KDM1B: variants seen among roughly 807,000 people sequenced by gnomAD.
The protein encoded by KDM1B is lysine demethylase 1B.
In KDM1B, 63 loss-of-function variants were observed where a neutral mutation model predicts 107.4. That is an observed-to-expected ratio of 0.59 (90% CI 0.48 to 0.72). The LOEUF is 0.72. KDM1B is among the 30% of genes least tolerant of loss of function. KDM1B has a pLI of 0.00. For missense variants in KDM1B, 749 were observed against 1,020.8 expected (o/e 0.73, Z 3.63); for synonymous variants, 363 against 363.9 (o/e 1.00, Z 0.03).
At chr6:18,210,463 T>C (rs1259019070) in intron 17 of KDM1B, among the ~76,000 whole-genome samples, 5 of 149,702 alleles carry the variant, frequency 3.3e-5, no homozygotes, top group East Asian at 4.0e-4. Context: ...GCTTGAGCAG[T>C]GCTCCCACCT....
chr6:18,205,640 C>A lies in KDM1B; in HGVS notation c.1635C>A (p.Tyr545Ter). 1 of 1,524,816 alleles carries A rather than the reference C, an allele frequency of 6.6e-7. No individual in the cohort carries two copies. The highest frequency in any genetic ancestry group is 8.8e-7 in the Non-Finnish European group (1 of 1,137,328). 94.5% of individuals were successfully genotyped at this position (1,524,816 alleles called of 1,614,324 possible). ...AGTTCCATCTCAGTAACCTGGAGTA[C>A]GCCTGTGGCAGCAACCTTCACCAGG... ...VLQFHLSNLE[Y>*]ACGSNLHQVS... The change falls in exon 15 of 22, where the codon TAC becomes TAA. Residue 545 changes from tyrosine to a stop codon, truncating the protein, a stop_gained. Coordinates refer to ENST00000650836, the MANE Select transcript of KDM1B (RefSeq NM_001364614.2). LOFTEE classifies it high-confidence loss of function. The surrounding 1 kb of genome is among the most constrained non-coding windows in gnomAD (Gnocchi z 5.7).
At chr6:18,192,777 A>ATT (rs555571613) in intron 10 of KDM1B, among the ~76,000 whole-genome samples, 6 of 145,126 alleles carry the variant, frequency 4.1e-5, no homozygotes, top group African/African-American at 1.5e-4. Context: ...CCTTGGATTC[A>ATT]TTTTTTTTTT....
chr6:18,162,916 C>G lies in KDM1B; in HGVS notation c.297C>G (p.Tyr99Ter). 6.3e-7 allele frequency: 1 copy of G among 1,598,502 alleles called. No homozygotes were observed. The highest frequency in any genetic ancestry group is 8.6e-7 in the Non-Finnish European group (1 of 1,165,822). Reference protein sequence around the residue: ...EHFCNECFDHYYRSHKDGYDK... With the variant: ...EHFCNECFDH Reference sequence around the variant, plus strand: ...TCTGTAATGAATGCTTTGACCATTACTACAGAAGGTATGTTCACTAATTGT... The same window carrying G: ...TCTGTAATGAATGCTTTGACCATTAGTACAGAAGGTATGTTCACTAATTGT... Residue 99 changes from tyrosine (Y) to a stop codon, truncating the protein, a stop_gained, in exon 5 of 22, where the codon TAC (tyrosine) becomes TAG (stop). Transcript: ENST00000650836. LOFTEE classifies it high-confidence loss of function. The surrounding 1 kb of genome is among the most constrained non-coding windows in gnomAD (Gnocchi z 4.1).
At chr6:18,182,727 T>C (rs1279260021) in intron 7 of KDM1B, among the ~76,000 whole-genome samples, 1 of 152,034 alleles carries the variant, frequency 6.6e-6, no homozygotes, top group Non-Finnish European at 1.5e-5. Flanking sequence ...GACAGGGTCT[T>C]GCTATGTTGC....
In KDM1B at chr6:18,172,731, A is replaced by G. The variant is rs930612910; in HGVS notation, c.534+1252A>G. Among the ~76,000 whole-genome samples the G allele has an allele frequency of 2.0e-5, 3 of 152,120 alleles. No individual in the cohort carries two copies. Among genetic ancestry groups the G allele is most frequent in the African/African-American group, 7.2e-5 (3 of 41,428 alleles). On this transcript the variant is annotated intron_variant, in intron 7 of 21. Coordinates refer to ENST00000650836, the MANE Select transcript of KDM1B (RefSeq NM_001364614.2). The surrounding 1 kb of genome is among the most constrained non-coding windows in gnomAD (Gnocchi z 5.2). ...TATAAACATAATATTCTATTTCATT[A>G]TATTTATAATAAACTATATAGTTTA...
At position 18,213,618 on chromosome 6, in the gene KDM1B, A is replaced by G. The variant is rs1789016805; in HGVS notation, c.1984-38A>G. On this transcript the variant is annotated intron_variant, in intron 18 of 21. Coordinates refer to ENST00000650836, the MANE Select transcript of KDM1B (RefSeq NM_001364614.2). This position sits in a 1 kb window ranked among gnomAD's most constrained non-coding sequence, Gnocchi z 5.9. ...AGATATTGCCTGTGGTTTTGTGACG[A>G]CAGACACCTAACCACCTTTCTTCTG... 1.9e-6 allele frequency: 3 copies of G among 1,611,828 alleles called. No homozygotes were observed. The highest frequency in any genetic ancestry group is 2.5e-6 in the Non-Finnish European group (3 of 1,178,150).
intron 8 of KDM1B, 100 bp downstream of exon 8, chr6:18,185,910 T>C: frequency 8.7e-7 from 1 of 1,155,266 alleles, no homozygotes; most frequent in South Asian, 1.3e-5. Context: ...TCTTTCTCTT[T>C]GGTTGCTGAT....
chr6:18,165,048 T>C (rs1785204615), intron 5 of KDM1B, among the ~76,000 whole-genome samples: 2 of 152,050 alleles, frequency 1.3e-5, no homozygotes, highest in South Asian at 4.1e-4. Context: ...TGATTGTTGA[T>C]ATAACTGGAT....
In KDM1B at chr6:18,200,408, A is replaced by G. The variant is rs1216383531; in HGVS notation, c.1222-31A>G. On this transcript the variant is annotated intron_variant, in intron 12 of 21. Transcript: ENST00000650836. The surrounding 1 kb of genome is among the most constrained non-coding windows in gnomAD (Gnocchi z 4.3). ...GTGTCTGATATAACTCTTGTGTCCT[A>G]TTTAGCTTCCCTGACTGTCTGTCTT... 3.7e-6 allele frequency: 6 copies of G among 1,609,324 alleles called. No homozygotes were observed. The highest frequency in any genetic ancestry group is 4.5e-5 in the East Asian group (2 of 44,786).
At chr6:18,179,642 T>C (rs1212263582) in intron 7 of KDM1B, among the ~76,000 whole-genome samples, 1 of 152,130 alleles carries the variant, frequency 6.6e-6, no homozygotes, top group Admixed American at 6.6e-5. Flanking sequence ...TCATCTATGT[T>C]GTCACATTTT....
In KDM1B at chr6:18,162,077, T is replaced by G. The variant is rs1785010011; in HGVS notation, c.215+623T>G. 6.6e-6 allele frequency among the ~76,000 whole-genome samples: 1 copy of G among 152,118 alleles called. No homozygotes were observed. Among genetic ancestry groups the G allele is most frequent in the African/African-American group, 2.4e-5 (1 of 41,426 alleles). On this transcript the variant is annotated intron_variant, in intron 4 of 21. Transcript: ENST00000650836. The surrounding 1 kb of genome is among the most constrained non-coding windows in gnomAD (Gnocchi z 4.1). ...GGCATGCGCCTGTAATCCCAGCACT[T>G]TGAGAGACCAAGATGGGCGGATCAG... is the stretch of plus-strand genomic sequence containing the variant.
chr6:18,184,919 A>G (rs1363163828), intron 7 of KDM1B, among the ~76,000 whole-genome samples: 3 of 151,454 alleles, frequency 2.0e-5, no homozygotes, highest in Non-Finnish European at 4.4e-5. Context: ...CAATTTTTGT[A>G]GAGATGGGGG....
chr6:18,189,815 A>C (rs549171064), intron 9 of KDM1B, among the ~76,000 whole-genome samples: 2 of 152,324 alleles, frequency 1.3e-5, no homozygotes, highest in African/African-American at 4.8e-5. Context: ...ATTTACTTCT[A>C]TGAACCTATT....
Position 18,197,052 on chromosome 6 carries a change from C to A in KDM1B, c.970-5C>A. On this transcript the variant is annotated splice_polypyrimidine_tract_variant and splice_region_variant and intron_variant, in intron 10 of 21. Transcript: ENST00000650836. The surrounding 1 kb of genome is among the most constrained non-coding windows in gnomAD (Gnocchi z 4.5). ...AAAGCAGTTTGGTTTTATTTCCAAA[C>A]ACAGGAAGCTCTTACTCCTCAGAAA... 1 of 1,587,966 alleles carries A rather than the reference C, an allele frequency of 6.3e-7. No homozygotes were observed. The highest frequency in any genetic ancestry group is 8.6e-7 in the Non-Finnish European group (1 of 1,163,374).
Position 18,202,508 on chromosome 6 carries a change from C to T in KDM1B, c.1531+851C>T, listed in dbSNP as rs1011806264. ...GACCATCCATAGTGGCTCATTTTCA[C>T]GAGGGTGCCAGCTTAAATTTTACTG... is the stretch of plus-strand genomic sequence containing the variant. On this transcript the variant is annotated intron_variant, in intron 14 of 21. Coordinates refer to ENST00000650836, the MANE Select transcript of KDM1B (RefSeq NM_001364614.2). Among the ~76,000 whole-genome samples the T allele has an allele frequency of 6.6e-5, 10 of 152,134 alleles. No individual in the cohort carries two copies. In the South Asian group the frequency reaches 8.3e-4, roughly 13 times the overall value.
intron 17 of KDM1B, among the ~76,000 whole-genome samples, chr6:18,208,603 G>GTGTATATA (rs1359166965): frequency 5.7e-5 from 2 of 34,896 alleles, no homozygotes; most frequent in Non-Finnish European, 9.6e-5. Context: ...GTATGTGTAT[G>GTGTATATA]TATATATATA....
At chr6:18,157,290 A>G (rs1177460086) in intron 2 of KDM1B, among the ~76,000 whole-genome samples, 3 of 152,234 alleles carry the variant, frequency 2.0e-5, no homozygotes, top group Non-Finnish European at 4.4e-5. Flanking sequence ...CCTCAATTGT[A>G]TAAAGTTGAA....
rs1318056162 is a variant in KDM1B at position 18,207,437 on chromosome 6, C to G, written c.1699C>G (p.Gln567Glu). Residue 567 changes from glutamine to glutamate, a missense_variant, in exon 16 of 22, where the codon CAG (glutamine) becomes GAG (glutamate). Coordinates refer to ENST00000650836, the MANE Select transcript of KDM1B (RefSeq NM_001364614.2). The part of the protein sequence containing the change: ...RSWDHNEFFA[Q>E]FAGDHTLLTP... ...GTGGGACCACAATGAATTCTTTGCC[C>G]AGTTTGCTGGTGACCACACTCTGCT... 6.2e-7 allele frequency: 1 copy of G among 1,614,078 alleles called. No homozygotes were observed. Among genetic ancestry groups the G allele is most frequent in the Non-Finnish European group, 8.5e-7 (1 of 1,180,036 alleles).
intron 3 of KDM1B, 69 bp from the exon 4 acceptor site, chr6:18,161,258 A>G (rs1470492280): frequency 9.7e-6 from 14 of 1,446,310 alleles, no homozygotes; most frequent in Non-Finnish European, 1.4e-5. Flanking sequence ...TGATTTCAGT[A>G]GTGAACCTTC....
Sources: allele counts gnomAD v4.1 joint callset (sites outside exome capture counted in the v4.1 genomes callset), GRCh38; gene constraint gnomAD v4.1.1; non-coding constraint Gnocchi (gnomAD v3.1); transcripts MANE v1.5; gene names NCBI Gene and HGNC (gene_info 2026-07-23, HGNC 2026-07-21).